The following HK2 variants were observed in gnomAD, a reference collection of about 807,000 sequenced individuals.
The protein encoded by HK2 is hexokinase 2, also known as hexokinase-2.
HK2 carries 42 observed loss-of-function variants against 92.9 expected under a neutral mutation model. The ratio of observed to expected loss-of-function variants is 0.45; its 90% CI spans 0.35 to 0.58. HK2 has a LOEUF of 0.58. HK2 is among the 20% of genes least tolerant of loss of function. The probability of loss-of-function intolerance (pLI) is 0.00; values close to 1 mark genes in which losing one functional copy is unlikely to be tolerated. For missense variants in HK2, 978 were observed against 1,245.1 expected (o/e 0.79, Z 3.23); for synonymous variants, 422 against 468.0 (o/e 0.90, Z 1.27).
rs1688642779 is a variant in HK2 at position 74,854,333 on chromosome 2, C to A, written c.104C>A (p.Thr35Asn). 2 of 1,613,408 alleles carry A rather than the reference C, an allele frequency of 1.2e-6. No homozygotes were observed. The highest frequency in any genetic ancestry group is 2.2e-5 in the South Asian group (2 of 91,042). Residue 35 changes from threonine to asparagine, a missense_variant, in exon 2 of 18, where the codon ACC becomes AAC. This residue lies in a region of HK2 where 189 missense variants were observed against 289.5 expected (regional missense o/e 0.65). Transcript: ENST00000290573. ...YLYHMRLSDE[T>N]LLEISKRFRK... ...TACCACATGCGCCTCTCTGATGAGA[C>A]CCTCTTGGAGATCTCTAAGCGGTTC... is the stretch of plus-strand genomic sequence containing the variant.
At chr2:74,885,296 A>G (rs1342639952) in intron 12 of HK2, among the ~76,000 whole-genome samples, 198 bp from the exon 13 acceptor site, 1 of 152,236 alleles carries the variant, frequency 6.6e-6, no homozygotes, top group Non-Finnish European at 1.5e-5. Flanking sequence ...TGCTTAGCCC[A>G]GTACCTGCTA....
At chr2:74,884,684 A>G (rs1361259725) in intron 12 of HK2, among the ~76,000 whole-genome samples, 1 of 152,248 alleles carries the variant, frequency 6.6e-6, no homozygotes, top group African/African-American at 2.4e-5. Context: ...TGGGTGGGTT[A>G]TGAGCACACA....
chr2:74,888,407 A>G (rs1233199157), intron 16 of HK2, among the ~76,000 whole-genome samples: 5 of 152,246 alleles, frequency 3.3e-5, no homozygotes, highest in Non-Finnish European at 7.3e-5. Context: ...CTTGGCTTGA[A>G]AGCCCTTCCT....
chr2:74,837,137 C>G (rs1175541063), intron 1 of HK2, among the ~76,000 whole-genome samples: 1 of 152,204 alleles, frequency 6.6e-6, no homozygotes, highest in Admixed American at 6.5e-5. Context: ...CAAATCAGCC[C>G]CATGAGGTGA....
intron 2 of HK2, among the ~76,000 whole-genome samples, chr2:74,863,761 A>G (rs1688886776): frequency 6.6e-6 from 1 of 152,182 alleles, no homozygotes; most frequent in Admixed American, 6.5e-5. Flanking sequence ...ATAGAGGATG[A>G]TTGGAATGTT....
At position 74,892,394 on chromosome 2, in the gene HK2, G is replaced by A. The variant is rs189787667; in HGVS notation, c.*1453G>A. ...GTATTTTAAATGTTTTACAAGAATTGTCCATGTGCTTCCCTAGGCTGAGCT... is the reference window on the plus strand; with the variant it reads ...GTATTTTAAATGTTTTACAAGAATTATCCATGTGCTTCCCTAGGCTGAGCT... On this transcript the variant is annotated 3_prime_UTR_variant, in exon 18 of 18. Transcript: ENST00000290573. 4.0e-4 allele frequency: 61 copies of A among 152,304 alleles called. 1 individual carries two copies. Among genetic ancestry groups the A allele is most frequent in the African/African-American group, 1.4e-3 (58 of 41,558 alleles). 9.4% of individuals were successfully genotyped at this position (152,304 alleles called of 1,614,324 possible).
intron 8 of HK2, among the ~76,000 whole-genome samples, chr2:74,878,425 G>GTT (rs1241213123): frequency 6.6e-6 from 1 of 151,192 alleles, no homozygotes; most frequent in Non-Finnish European, 1.5e-5. Context: ...GTGTGTGTGT[G>GTT]TGTGTGTGTG....
At position 74,891,001 on chromosome 2, in the gene HK2, A is replaced by G. The variant is rs1689664987; in HGVS notation, c.*60A>G. 2 of 1,582,744 alleles carry G rather than the reference A, an allele frequency of 1.3e-6. No homozygotes were observed. The highest frequency in any genetic ancestry group is 2.7e-5 in the African/African-American group (2 of 74,452). The stretch of plus-strand genomic sequence containing the variant: ...TCCTTCTTCCCTGTTTTAAATTATA[A>G]GATGTCATCCCCTTGTGTCAGAGAC... On this transcript the variant is annotated 3_prime_UTR_variant, in exon 18 of 18. Transcript: ENST00000290573.
chr2:74,859,189 T>C (rs1221213072), intron 2 of HK2, among the ~76,000 whole-genome samples: 1 of 152,234 alleles, frequency 6.6e-6, no homozygotes, highest in Non-Finnish European at 1.5e-5. Context: ...CAGTCCAGCT[T>C]GTTATAATTG....
chr2:74,877,372 C>CTGAGGG, intron 8 of HK2, 51 bp downstream of exon 8: 9 of 1,604,352 alleles, frequency 5.6e-6, no homozygotes, highest in Non-Finnish European at 7.7e-6. Context: ...CACGAGTTGA[C>CTGAGGG]GGGTAGTTGG....
intron 1 of HK2, among the ~76,000 whole-genome samples, chr2:74,847,375 T>C (rs755834957): frequency 1.4e-4 from 21 of 152,140 alleles, no homozygotes; most frequent in Admixed American, 9.8e-4. Context: ...ACTGGCGAGA[T>C]GATTACTGAA....
intron 5 of HK2, 115 bp from the exon 6 acceptor site, chr2:74,873,729 A>T (rs1227833215): frequency 5.7e-6 from 4 of 700,656 alleles, no homozygotes; most frequent in African/African-American, 2.1e-5. Context: ...ATGGGGAGGG[A>T]GGGGGGAGAG....
At chr2:74,838,583 G>A (rs1366121194) in intron 1 of HK2, among the ~76,000 whole-genome samples, 1 of 147,302 alleles carries the variant, frequency 6.8e-6, no homozygotes, top group African/African-American at 2.5e-5. Flanking sequence ...CTGTCGCCCA[G>A]GCTGGAGTGC....
Position 74,886,572 on chromosome 2 carries a change from C to T in HK2, c.2118C>T (p.Asn706=). The change falls in exon 15 of 18, where the codon AAC becomes AAT. Residue 706 remains asparagine (N), a synonymous_variant. Transcript: ENST00000290573. The stretch of plus-strand genomic sequence containing the variant: ...GAGAAGAGGGGCGGATGTGTGTGAA[C>T]ATGGAATGGGGGGCCTTCGGGGACA... ...VEGEEGRMCV[N]MEWGAFGDNG... is the part of the protein sequence containing the mutation. 2 of 1,614,028 alleles carry T rather than the reference C, an allele frequency of 1.2e-6. No homozygotes were observed. The highest frequency in any genetic ancestry group is 1.7e-6 in the Non-Finnish European group (2 of 1,180,028).
At chr2:74,890,288 T>G (rs1190659706) in intron 17 of HK2, among the ~76,000 whole-genome samples, 1 of 152,236 alleles carries the variant, frequency 6.6e-6, no homozygotes, top group African/African-American at 2.4e-5. Flanking sequence ...CTGTGATCAC[T>G]GTGATATCCT....
chr2:74,885,726 G>A (rs946610263), intron 13 of HK2, 137 bp downstream of exon 13: 5 of 712,560 alleles, frequency 7.0e-6, no homozygotes, highest in South Asian at 4.4e-5. Context: ...TCGTTCAGCA[G>A]TTTAGTGTGC....
intron 1 of HK2, among the ~76,000 whole-genome samples, chr2:74,843,424 A>G (rs1285978680): frequency 6.6e-6 from 1 of 152,204 alleles, no homozygotes; most frequent in African/African-American, 2.4e-5. Context: ...GTTCCTGTGA[A>G]CAGAGAATCT....
chr2:74,863,774 G>A (rs1486062152), intron 2 of HK2, among the ~76,000 whole-genome samples: 2 of 152,194 alleles, frequency 1.3e-5, no homozygotes, highest in African/African-American at 4.8e-5. Flanking sequence ...GGAATGTTCA[G>A]TGCAGTTACC....
intron 1 of HK2, among the ~76,000 whole-genome samples, chr2:74,853,249 G>T (rs926853998): frequency 1.3e-5 from 2 of 152,074 alleles, no homozygotes; most frequent in African/African-American, 2.4e-5. Context: ...GGGTGTGGTG[G>T]CTCGCTCCTT....
Sources: allele counts gnomAD v4.1 joint callset (sites outside exome capture counted in the v4.1 genomes callset), GRCh38; gene constraint gnomAD v4.1.1; regional missense constraint gnomAD v4.1.1; transcripts MANE v1.5; gene names NCBI Gene and HGNC (gene_info 2026-07-23, HGNC 2026-07-21).